ADARB1: variants seen among roughly 807,000 people sequenced by gnomAD.
The protein encoded by ADARB1 is double-stranded RNA-specific editase 1.
In ADARB1, 10 loss-of-function variants were observed where a neutral mutation model predicts 52.4. The ratio of observed to expected loss-of-function variants is 0.19; its 90% CI spans 0.12 to 0.32. The LOEUF (loss-of-function observed/expected upper bound fraction) is 0.32, where lower values mean the gene tolerates loss of function less well. Among genes scored for constraint, ADARB1 ranks in the 10% least tolerant of loss-of-function variants. The probability of loss-of-function intolerance (pLI) is 1.00; values close to 1 mark genes in which losing one functional copy is unlikely to be tolerated. For synonymous variants in ADARB1, 349 were observed against 371.1 expected, an observed-to-expected ratio of 0.94 and a Z score of 0.68; for missense variants, 643 against 922.3, an observed-to-expected ratio of 0.70 and a Z score of 3.92.
chr21:45,110,936 G>T (rs2087504982), intron 1 of ADARB1, among the ~76,000 whole-genome samples: 1 of 152,146 alleles, frequency 6.6e-6, no homozygotes, highest in South Asian at 2.1e-4. Flanking sequence ...TCTCTGCTCT[G>T]TGAGGGGATG....
intron 8 of ADARB1, among the ~76,000 whole-genome samples, chr21:45,197,776 T>A (rs1252690063): frequency 6.6e-6 from 1 of 151,604 alleles, no homozygotes; most frequent in Non-Finnish European, 1.5e-5. Context: ...CATAGAGAAA[T>A]CTCAAAATAA....
chr21:45,162,797 C>T (rs1335028661), intron 2 of ADARB1, among the ~76,000 whole-genome samples: 3 of 152,224 alleles, frequency 2.0e-5, no homozygotes, highest in African/African-American at 7.2e-5. Context: ...AGACTCTCAG[C>T]TCACAGCACC....
At chr21:45,211,174 T>C (rs1427673128) in intron 9 of ADARB1, among the ~76,000 whole-genome samples, 4 of 152,214 alleles carry the variant, frequency 2.6e-5, no homozygotes, top group African/African-American at 9.6e-5. Flanking sequence ...TCTTGCTCTG[T>C]ACGGATTCTA....
intron 2 of ADARB1, among the ~76,000 whole-genome samples, chr21:45,139,759 G>A (rs2089610197): frequency 6.6e-6 from 1 of 152,114 alleles, no homozygotes; most frequent in Non-Finnish European, 1.5e-5. Context: ...GCCTTTTCCA[G>A]CTTATTCATT....
rs866237986 is a variant in ADARB1 at position 45,221,186 on chromosome 21, G to A, written c.1926+172G>A. Among the ~76,000 whole-genome samples, 3 of 152,210 alleles carry A rather than the reference G, an allele frequency of 2.0e-5. No individual in the cohort carries two copies. Among genetic ancestry groups the A allele is most frequent in the Non-Finnish European group, 2.9e-5 (2 of 68,036 alleles). ...TGTTTTAGCTTAGAAGTGTGGCTACGTCCCTGAAACCTTAATGCCATCTCA... is the reference window on the plus strand; with the variant it reads ...TGTTTTAGCTTAGAAGTGTGGCTACATCCCTGAAACCTTAATGCCATCTCA... On this transcript the variant is annotated intron_variant, in intron 10 of 10. Coordinates refer to ENST00000348831, the MANE Select transcript of ADARB1 (RefSeq NM_001112.4). This position sits in a 1 kb window ranked among gnomAD's most constrained non-coding sequence, Gnocchi z 4.9.
At chr21:45,148,792 C>G (rs1456000830) in intron 2 of ADARB1, among the ~76,000 whole-genome samples, 2 of 152,202 alleles carry the variant, frequency 1.3e-5, no homozygotes, top group Non-Finnish European at 2.9e-5. Context: ...GGCTGCCCAG[C>G]CCAGCTCCCT....
rs73232651 is a variant in ADARB1, at chr21:45,172,859, A to T, written c.28+1175A>T. On this transcript the variant is annotated intron_variant, in intron 3 of 10. Coordinates refer to ENST00000348831, the MANE Select transcript of ADARB1 (RefSeq NM_001112.4). This position sits in a 1 kb window ranked among gnomAD's most constrained non-coding sequence, Gnocchi z 4.4. ...TTTTTTCAGGTTTTTATCCTCATCA[A>T]TCCTGCTCTTGAGATCTTTTAAAAA... Among the ~76,000 whole-genome samples the T allele has an allele frequency of 0.032, 4,909 of 152,146 alleles. 270 individuals are homozygous for T. Among genetic ancestry groups the T allele is most frequent in the African/African-American group, 0.11 (4,592 of 41,470 alleles).
At chr21:45,078,312 A>G (rs2086024763) in intron 1 of ADARB1, among the ~76,000 whole-genome samples, 1 of 152,198 alleles carries the variant, frequency 6.6e-6, no homozygotes, top group Non-Finnish European at 1.5e-5. Context: ...TGTTCATCCA[A>G]CAGGCATTCA....
At chr21:45,093,735 C>T (rs1349639789) in intron 1 of ADARB1, among the ~76,000 whole-genome samples, 1 of 152,044 alleles carries the variant, frequency 6.6e-6, no homozygotes, top group African/African-American at 2.4e-5. Context: ...GTGAAGAGGC[C>T]CTGGAGGCTG....
At chr21:45,170,382 G>A (rs1387716981) in intron 2 of ADARB1, among the ~76,000 whole-genome samples, 1 of 152,152 alleles carries the variant, frequency 6.6e-6, no homozygotes, top group Non-Finnish European at 1.5e-5. Context: ...CAAGTGCTTT[G>A]CACGTAATAG....
At chr21:45,213,133 G>C (rs2092801340) in intron 9 of ADARB1, among the ~76,000 whole-genome samples, 1 of 152,100 alleles carries the variant, frequency 6.6e-6, no homozygotes. Flanking sequence ...CAGTGGCCAG[G>C]GTGCTGCCCA....
chr21:45,179,297 G>C (rs1387094200), intron 4 of ADARB1, among the ~76,000 whole-genome samples: 1 of 152,210 alleles, frequency 6.6e-6, no homozygotes, highest in Non-Finnish European at 1.5e-5. Flanking sequence ...ACTGATACTT[G>C]CTGGTGCAAT....
In ADARB1 at chr21:45,175,938, C is replaced by T. The variant is rs778516155; in HGVS notation, c.237C>T (p.Pro79=). The change falls in exon 4 of 11, where the codon CCC becomes CCT. Residue 79 remains proline, a synonymous_variant. Coordinates refer to ENST00000348831, the MANE Select transcript of ADARB1 (RefSeq NM_001112.4). ...KRRKTPGPVL[P]KNALMQLNEI... ...GGAAAACACCAGGGCCCGTCCTCCC[C>T]AAGAACGCCCTGATGCAGCTGAATG... 2 of 1,610,054 alleles carry T rather than the reference C, an allele frequency of 1.2e-6. No individual in the cohort carries two copies. Among genetic ancestry groups the T allele is most frequent in the South Asian group, 2.2e-5 (2 of 90,602 alleles).
chr21:45,119,068 C>T (rs543264170), intron 1 of ADARB1, among the ~76,000 whole-genome samples: 1 of 152,318 alleles, frequency 6.6e-6, no homozygotes, highest in African/African-American at 2.4e-5. Context: ...TGTACTTTAT[C>T]ACCATTTTTA....
At chr21:45,114,222 A>G (rs2087708134) in intron 1 of ADARB1, among the ~76,000 whole-genome samples, 1 of 152,182 alleles carries the variant, frequency 6.6e-6, no homozygotes, top group South Asian at 2.1e-4. Context: ...GGAGTCATAG[A>G]TAAGACATGG....
intron 1 of ADARB1, among the ~76,000 whole-genome samples, chr21:45,104,445 T>C (rs1241870283): frequency 1.3e-5 from 2 of 152,010 alleles, no homozygotes; most frequent in Non-Finnish European, 2.9e-5. Context: ...CAGGGAAGAA[T>C]TGGGTCAGTG....
At chr21:45,211,169 C>T (rs894097177) in intron 9 of ADARB1, among the ~76,000 whole-genome samples, 7 of 152,190 alleles carry the variant, frequency 4.6e-5, no homozygotes, top group African/African-American at 1.7e-4. Context: ...AGCCATCTTG[C>T]TCTGTACGGA....
At chr21:45,082,247 A>T (rs912354700) in intron 1 of ADARB1, among the ~76,000 whole-genome samples, 23 of 152,358 alleles carry the variant, frequency 1.5e-4, no homozygotes, top group African/African-American at 5.3e-4. Flanking sequence ...ATTTGTTTGT[A>T]TAGATACCTC....
intron 8 of ADARB1, among the ~76,000 whole-genome samples, chr21:45,203,604 T>C (rs2092607291): frequency 6.6e-6 from 1 of 152,184 alleles, no homozygotes; most frequent in South Asian, 2.1e-4. Flanking sequence ...CATGTGTGTG[T>C]TGGAGCTGAT....
Sources: gnomAD v4.1 joint callset for allele counts (sites outside exome capture counted in the v4.1 genomes callset) on GRCh38, gnomAD v4.1.1 for gene constraint, Gnocchi (gnomAD v3.1) non-coding constraint, MANE v1.5 for transcripts, NCBI Gene and HGNC (gene_info 2026-07-23, HGNC 2026-07-21) for gene names.